CAST: variants seen among roughly 807,000 people sequenced by gnomAD.
CAST encodes the protein calpastatin.
In CAST, 76 loss-of-function variants were observed where a neutral mutation model predicts 119.6. That is an observed-to-expected ratio of 0.64 (90% confidence interval 0.53 to 0.77). The LOEUF is 0.77. Ranked by LOEUF, CAST falls within the 30% of genes least tolerant of loss-of-function variation. CAST has a pLI of 0.00. For missense variants in CAST, 953 were observed against 946.5 expected, an observed-to-expected ratio of 1.01 and a Z score of -0.09; for synonymous variants, 319 against 331.6, an observed-to-expected ratio of 0.96 and a Z score of 0.41.
chr5:95,968,531 A>G, the CAST span, among the ~76,000 whole-genome samples: 1,750 of 152,260 alleles, frequency 0.011, 16 homozygotes, highest in Non-Finnish European at 0.019. Context: ...CTTTGGTCAA[A>G]TACACATCCC....
At chr5:96,017,838 A>G in the CAST span, among the ~76,000 whole-genome samples, 1 of 152,218 alleles carries the variant, frequency 6.6e-6, no homozygotes, top group Non-Finnish European at 1.5e-5. Flanking sequence ...GAAGTGAGCC[A>G]CAAAATACGA....
chr5:96,660,924 A>AT (rs1748342476), upstream of CAST, among the ~76,000 whole-genome samples: 1 of 151,784 alleles, frequency 6.6e-6, no homozygotes, highest in African/African-American at 2.4e-5. Context: ...AATACTAGAT[A>AT]CACAGACAGT....
chr5:96,745,791 C>G (rs1334936966), intron 16 of CAST, among the ~76,000 whole-genome samples: 1 of 152,160 alleles, frequency 6.6e-6, no homozygotes, highest in Non-Finnish European at 1.5e-5. Flanking sequence ...AACAAGTTAT[C>G]CATGGATCAG....
chr5:96,394,921 G>A, the CAST span: 13 of 1,613,996 alleles, frequency 8.1e-6, no homozygotes, highest in Non-Finnish European at 1.1e-5. Flanking sequence ...CAGTGTTGTA[G>A]GACGTGTACA....
At chr5:96,002,176 A>G in the CAST span, among the ~76,000 whole-genome samples, 1 of 152,238 alleles carries the variant, frequency 6.6e-6, no homozygotes, top group Admixed American at 6.5e-5. Context: ...TAATTATACC[A>G]TGCGTTTTGA....
At chr5:96,310,747 T>A in the CAST span, among the ~76,000 whole-genome samples, 1 of 151,890 alleles carries the variant, frequency 6.6e-6, no homozygotes, top group Non-Finnish European at 1.5e-5. Context: ...TCCTTTGTAT[T>A]TTTGTAGTAT....
intron 1 of CAST, among the ~76,000 whole-genome samples, chr5:96,622,857 C>T (rs1218814572): frequency 3.3e-4 from 21 of 64,464 alleles, no homozygotes; most frequent in Admixed American, 1.1e-3. Context: ...TTATGGGACT[C>T]TTTTTTTTTT....
chr5:96,054,397 G>A, the CAST span, among the ~76,000 whole-genome samples: 1 of 151,962 alleles, frequency 6.6e-6, no homozygotes, highest in Admixed American at 6.6e-5. Flanking sequence ...GGGACTACAG[G>A]AGCAAACCAC....
chr5:96,080,402 A>G, the CAST span, among the ~76,000 whole-genome samples: 1 of 152,234 alleles, frequency 6.6e-6, no homozygotes, highest in African/African-American at 2.4e-5. Flanking sequence ...CTTATTACAA[A>G]TACTGATATA....
At chr5:96,753,395 T>G (rs185664732) in intron 20 of CAST, among the ~76,000 whole-genome samples, 1 of 152,372 alleles carries the variant, frequency 6.6e-6, no homozygotes, top group East Asian at 1.9e-4. Context: ...TTATTTTCCC[T>G]TGACACCATT....
chr5:96,355,302 A>C, the CAST span, among the ~76,000 whole-genome samples: 1 of 150,202 alleles, frequency 6.7e-6, no homozygotes, highest in African/African-American at 2.5e-5. Context: ...TTCCTGTGTT[A>C]GTTTGCTGAG....
chr5:96,079,055 A>G, the CAST span: 1 of 446,756 alleles, frequency 2.2e-6, no homozygotes, highest in Non-Finnish European at 4.6e-6. Flanking sequence ...TTACCTATGT[A>G]ACAAACCTGT....
At chr5:96,394,957 C>A in the CAST span, 1 of 1,613,962 alleles carries the variant, frequency 6.2e-7, no homozygotes, top group African/African-American at 1.3e-5. Context: ...TATGCTCTGG[C>A]TGAGAAGAGG....
chr5:96,699,194 T>C (rs1354480395), intron 3 of CAST, among the ~76,000 whole-genome samples: 2 of 152,244 alleles, frequency 1.3e-5, no homozygotes, highest in African/African-American at 2.4e-5. Flanking sequence ...TTGTGATCCA[T>C]AACCAGTCAT....
At chr5:96,654,552 AG>A (rs1406742417) in intron 1 of CAST, among the ~76,000 whole-genome samples, 9 of 152,218 alleles carry the variant, frequency 5.9e-5, no homozygotes, top group Admixed American at 4.6e-4. Context: ...ATATTTGCAG[AG>A]TTTTCAGTGG....
At chr5:96,432,932 C>T in the CAST span, 2 of 1,614,202 alleles carry the variant, frequency 1.2e-6, no homozygotes, top group African/African-American at 2.7e-5. Context: ...CGGGGATCTC[C>T]GCTGCCCATT....
chr5:96,223,554 C>T, the CAST span, among the ~76,000 whole-genome samples: 1 of 152,110 alleles, frequency 6.6e-6, no homozygotes, highest in Non-Finnish European at 1.5e-5. Flanking sequence ...GGATTTTTCC[C>T]TAGAATCTTT....
the CAST span, among the ~76,000 whole-genome samples, chr5:96,342,699 G>A: frequency 6.6e-6 from 1 of 152,098 alleles, no homozygotes; most frequent in South Asian, 2.1e-4. Flanking sequence ...TTCCCTCATA[G>A]CTAGCCGTAT....
the CAST span, among the ~76,000 whole-genome samples, chr5:96,194,484 G>A: frequency 2.0e-5 from 3 of 152,140 alleles, no homozygotes; most frequent in East Asian, 1.9e-4. Flanking sequence ...GTGTATCAGC[G>A]AAGGAAACAC....
Sources: allele counts gnomAD v4.1 joint callset (sites outside exome capture counted in the v4.1 genomes callset), GRCh38; gene constraint gnomAD v4.1.1; transcripts MANE v1.5; gene names NCBI Gene and HGNC (gene_info 2026-07-23, HGNC 2026-07-21).